SCAF8: variants seen among roughly 807,000 people sequenced by gnomAD.
The protein encoded by SCAF8 is SR-related and CTD-associated factor 8.
A neutral mutation model predicts 140.5 loss-of-function variants in SCAF8; 23 were observed. The observed-to-expected ratio is 0.16, with a 90% CI of 0.12 to 0.23. The LOEUF is 0.23. Among genes scored for constraint, SCAF8 ranks in the 10% least tolerant of loss-of-function variants. The pLI is 1.00. For missense variants in SCAF8, 1,397 were observed against 1,555.7 expected, an observed-to-expected ratio of 0.90 and a Z score of 1.72; for synonymous variants, 575 against 528.9, an observed-to-expected ratio of 1.09 and a Z score of -1.20.
At chr6:154,794,979 A>G in intron 5 of SCAF8, 30 bp from the exon 6 acceptor site, 2 of 1,560,840 alleles carry the variant, frequency 1.3e-6, no homozygotes, top group Non-Finnish European at 1.7e-6. Flanking sequence ...TTACATATTT[A>G]TTTGGGGGGT....
chr6:154,767,621 C>T (rs1190545525), intron 1 of SCAF8, among the ~76,000 whole-genome samples: 1 of 148,656 alleles, frequency 6.7e-6, no homozygotes, highest in Non-Finnish European at 1.5e-5. Flanking sequence ...CTCACAGCAA[C>T]CTGTGCCTCC....
At position 154,831,842 on chromosome 6, in the gene SCAF8, C is replaced by G. The variant is rs1254519584; in HGVS notation, c.2360-97C>G. On this transcript the variant is annotated intron_variant, in intron 19 of 19. Coordinates refer to ENST00000367178, the MANE Select transcript of SCAF8 (RefSeq NM_014892.5). ...AAGATGTCATGTAGTAGCTAATGTA[C>G]CTTGATTATTGGGGGATACAAGTAG... 3 of 970,220 alleles carry G rather than the reference C, an allele frequency of 3.1e-6. No homozygotes were observed. The East Asian group carries it at 7.7e-5, about 25-fold the overall frequency. 60.1% of individuals were successfully genotyped at this position (970,220 alleles called of 1,614,324 possible).
chr6:154,741,755 A>G (rs1189345773), intron 1 of SCAF8, among the ~76,000 whole-genome samples: 1 of 152,166 alleles, frequency 6.6e-6, no homozygotes, highest in African/African-American at 2.4e-5. Flanking sequence ...AATTAGTGAT[A>G]GTATTACTAG....
chr6:154,829,080 A>G (rs1778652358), intron 18 of SCAF8, among the ~76,000 whole-genome samples: 2 of 152,174 alleles, frequency 1.3e-5, no homozygotes, highest in South Asian at 4.1e-4. Context: ...TGAGTAACCT[A>G]TATAACAAAC....
At chr6:154,796,385 C>G (rs73793008) in intron 6 of SCAF8, among the ~76,000 whole-genome samples, 8,862 of 76,310 alleles carry the variant, frequency 0.12, 407 homozygotes, top group Non-Finnish European at 0.14. Context: ...CTCTCTCTCT[C>G]TCTCTCTGTC....
chr6:154,823,554 A>G (rs1306606069), intron 16 of SCAF8, among the ~76,000 whole-genome samples: 4 of 152,310 alleles, frequency 2.6e-5, no homozygotes, highest in Middle Eastern at 3.4e-3. Flanking sequence ...ATTTGGGGTT[A>G]TTATGAGCAA....
At chr6:154,768,070 T>C (rs1414807523) in intron 1 of SCAF8, among the ~76,000 whole-genome samples, 1 of 152,176 alleles carries the variant, frequency 6.6e-6, no homozygotes, top group Non-Finnish European at 1.5e-5. Flanking sequence ...AAAAAGGTAT[T>C]TCATAAAAAG....
intron 1 of SCAF8, among the ~76,000 whole-genome samples, chr6:154,740,552 C>G (rs994973634): frequency 6.6e-6 from 1 of 151,690 alleles, no homozygotes; most frequent in South Asian, 2.1e-4. Context: ...GTTTCATGTC[C>G]TTGGTTCATA....
At chr6:154,784,146 TATATA>T (rs1562444187) in intron 3 of SCAF8, among the ~76,000 whole-genome samples, 6 of 139,358 alleles carry the variant, frequency 4.3e-5, no homozygotes, top group African/African-American at 1.1e-4. Context: ...TATATATATA[TATATA>T]TATATATTTA....
intron 3 of SCAF8, among the ~76,000 whole-genome samples, chr6:154,783,288 C>A (rs1026392156): frequency 5.9e-5 from 9 of 152,094 alleles, no homozygotes; most frequent in South Asian, 2.1e-4. Flanking sequence ...AGAATAAGAT[C>A]GAATATTATC....
chr6:154,785,457 A>G (rs1415673144), intron 3 of SCAF8, among the ~76,000 whole-genome samples: 2 of 152,336 alleles, frequency 1.3e-5, no homozygotes, highest in East Asian at 1.9e-4. Flanking sequence ...CTTCCTCGCA[A>G]TGCATGGGTT....
At chr6:154,764,708 G>A (rs1407670850) in intron 1 of SCAF8, among the ~76,000 whole-genome samples, 10 of 152,122 alleles carry the variant, frequency 6.6e-5, no homozygotes, top group Admixed American at 5.2e-4. Context: ...CCAAGCCTTC[G>A]CAGCATGTAG....
In SCAF8 at chr6:154,792,879, G is replaced by C; in HGVS notation, c.378G>C (p.Glu126Asp). 6.2e-7 allele frequency: 1 copy of C among 1,612,946 alleles called. No homozygotes were observed. The highest frequency in any genetic ancestry group is 8.5e-7 in the Non-Finnish European group (1 of 1,179,064). Reference protein sequence around the residue: ...LWQKNNVFKSEIIQPLLDMAA... With the variant: ...LWQKNNVFKSDIIQPLLDMAA... The stretch of plus-strand genomic sequence containing the variant: ...AGAAGAATAATGTATTTAAGAGTGA[G>C]ATTATTCAGCCCCTTTTGGATATGG... Residue 126 changes from glutamate (E) to aspartate (D), a missense_variant, in exon 5 of 20, where the codon GAG becomes GAC. Glu to Asp is a conservative substitution (Grantham distance 45, BLOSUM62 2). Transcript: ENST00000367178.
intron 3 of SCAF8, among the ~76,000 whole-genome samples, chr6:154,781,144 G>A (rs1400193595): frequency 1.3e-5 from 2 of 151,958 alleles, no homozygotes; most frequent in African/African-American, 4.8e-5. Flanking sequence ...GAAGTCTCAG[G>A]ATACAAAATC....
At chr6:154,794,752 C>A (rs1777537164) in intron 5 of SCAF8, among the ~76,000 whole-genome samples, 2 of 50,906 alleles carry the variant, frequency 3.9e-5, no homozygotes, top group East Asian at 6.9e-4. Flanking sequence ...TGGACAGATC[C>A]TTTTGGTGGG....
chr6:154,736,780 C>T (rs1398775179), intron 1 of SCAF8, among the ~76,000 whole-genome samples: 1 of 152,106 alleles, frequency 6.6e-6, no homozygotes, highest in Non-Finnish European at 1.5e-5. Flanking sequence ...GTCTTAGTCC[C>T]ATTTTAGTGT....
intron 1 of SCAF8, among the ~76,000 whole-genome samples, chr6:154,756,420 A>C (rs766890262): frequency 2.0e-5 from 3 of 152,192 alleles, no homozygotes; most frequent in Non-Finnish European, 2.9e-5. Flanking sequence ...TGTTAGATAA[A>C]TGGAGGTGAG....
chr6:154,770,993 C>CTTGATTA (rs1247153851), intron 1 of SCAF8, among the ~76,000 whole-genome samples: 2 of 152,152 alleles, frequency 1.3e-5, no homozygotes, highest in African/African-American at 2.4e-5. Context: ...GATCCACCTG[C>CTTGATTA]CTTGGCCTCC....
At position 154,762,630 on chromosome 6, in the gene SCAF8, A is replaced by G. The variant is rs373097180; in HGVS notation, c.31-11359A>G. On this transcript the variant is annotated intron_variant, in intron 1 of 19. Transcript: ENST00000367178. ...GAATTCTGCCTGCCAAAGCTATTCT[A>G]ACCAAACCAATGATAATTTTGTAGT... Among the ~76,000 whole-genome samples, 3 of 152,306 alleles carry G rather than the reference A, an allele frequency of 2.0e-5. No homozygotes were observed. The East Asian group carries it at 5.8e-4, about 29-fold the overall frequency.
Sources: allele counts gnomAD v4.1 joint callset (sites outside exome capture counted in the v4.1 genomes callset), GRCh38; gene constraint gnomAD v4.1.1; transcripts MANE v1.5; gene names NCBI Gene and HGNC (gene_info 2026-07-23, HGNC 2026-07-21).